Variants in ZNF609 observed in about 807,000 individuals in gnomAD.
The protein encoded by ZNF609 is zinc finger protein 609.
Under a neutral mutation model 109.5 loss-of-function variants are expected in ZNF609, and 11 were observed. That is an observed-to-expected ratio of 0.10 (90% CI 0.06 to 0.17). The LOEUF is 0.17. Among genes scored for constraint, ZNF609 ranks in the 10% least tolerant of loss-of-function variants. The pLI, the probability that ZNF609 is intolerant of heterozygous loss-of-function variation, is 1.00. For synonymous variants in ZNF609, 646 were observed against 662.0 expected (o/e 0.98, Z 0.37); for missense variants, 1,559 against 1,772.4 (o/e 0.88, Z 2.16).
intron 2 of ZNF609, among the ~76,000 whole-genome samples, chr15:64,525,733 C>A (rs1893959450): frequency 6.6e-6 from 1 of 151,886 alleles, no homozygotes; most frequent in Non-Finnish European, 1.5e-5. Context: ...TTTATAACTT[C>A]TTTAATTTCC....
At chr15:64,611,865 TGAG>T (rs1032315853) in intron 2 of ZNF609, among the ~76,000 whole-genome samples, 3 of 151,470 alleles carry the variant, frequency 2.0e-5, no homozygotes, top group Admixed American at 6.6e-5. Flanking sequence ...CCCGAGTAGC[TGAG>T]ATTACAGGCT....
chr15:64,549,062 G>A (rs1422998917), intron 2 of ZNF609, among the ~76,000 whole-genome samples: 1 of 152,138 alleles, frequency 6.6e-6, no homozygotes, highest in Non-Finnish European at 1.5e-5. Context: ...ATTCAGTTTT[G>A]CCTGTAGGTC....
chr15:64,628,316 A>G (rs1304458739), intron 3 of ZNF609, among the ~76,000 whole-genome samples: 1 of 151,626 alleles, frequency 6.6e-6, no homozygotes, highest in East Asian at 2.0e-4. Flanking sequence ...AAGAAAAGAA[A>G]CATGTAATCA....
At chr15:64,638,242 C>G (rs1471319589) in intron 3 of ZNF609, among the ~76,000 whole-genome samples, 1 of 151,486 alleles carries the variant, frequency 6.6e-6, no homozygotes, top group Admixed American at 6.6e-5. Flanking sequence ...TATGGGTTCT[C>G]TTCTGTTCCA....
intron 2 of ZNF609, among the ~76,000 whole-genome samples, chr15:64,604,106 A>G (rs943228657): frequency 6.6e-6 from 1 of 151,012 alleles, no homozygotes; most frequent in Non-Finnish European, 1.5e-5. Flanking sequence ...TGCATTCTTT[A>G]TGACATTACT....
intron 2 of ZNF609, among the ~76,000 whole-genome samples, chr15:64,505,381 A>G (rs535134595): frequency 4.0e-4 from 61 of 152,350 alleles, no homozygotes; most frequent in Non-Finnish European, 4.3e-4. Context: ...ACTAATAGGC[A>G]GACCTTCAAA....
chr15:64,465,910 G>GT (rs1379906277), intron 1 of ZNF609, among the ~76,000 whole-genome samples: 2 of 151,750 alleles, frequency 1.3e-5, no homozygotes, highest in African/African-American at 4.8e-5. Context: ...GAGGTCAGGA[G>GT]TTTGAGACCA....
chr15:64,537,787 T>C (rs1012088514), intron 2 of ZNF609, among the ~76,000 whole-genome samples: 7 of 152,122 alleles, frequency 4.6e-5, no homozygotes, highest in Admixed American at 3.9e-4. Flanking sequence ...AGGGGCACTA[T>C]CTTCTTCATT....
At chr15:64,466,705 C>T (rs184032486) in intron 1 of ZNF609, among the ~76,000 whole-genome samples, 28 of 152,316 alleles carry the variant, frequency 1.8e-4, no homozygotes, top group African/African-American at 5.5e-4. Context: ...TTTCCTCATA[C>T]GAAGCTATGG....
rs1442692506 is a variant in ZNF609, at chr15:64,475,751, C to T, written c.-128+14913C>T. On this transcript the variant is annotated intron_variant, in intron 1 of 9. Coordinates refer to ENST00000326648, the MANE Select transcript of ZNF609 (RefSeq NM_015042.2). ...TATTTTCTTCATCCCTCATTTTAAGCTCGTGAGATACCTGTGTCTCCTCTG... is the reference window on the plus strand; with the variant it reads ...TATTTTCTTCATCCCTCATTTTAAGTTCGTGAGATACCTGTGTCTCCTCTG... 2.0e-5 allele frequency among the ~76,000 whole-genome samples: 3 copies of T among 152,258 alleles called. No individual in the cohort carries two copies. The East Asian group carries it at 5.8e-4, about 29-fold the overall frequency.
chr15:64,667,241 T>G (rs923636834), intron 3 of ZNF609, among the ~76,000 whole-genome samples: 10 of 152,224 alleles, frequency 6.6e-5, no homozygotes, highest in African/African-American at 2.2e-4. Context: ...TAACTCCATG[T>G]CCAGTGATTT....
At chr15:64,670,236 G>C (rs1595758838) in intron 3 of ZNF609, 110 bp from the exon 4 acceptor site, 2 of 841,326 alleles carry the variant, frequency 2.4e-6, no homozygotes, top group Admixed American at 1.9e-5. Context: ...TTGGTACCCA[G>C]AGTACCTCCT....
At chr15:64,628,233 C>T (rs1896004151) in intron 3 of ZNF609, among the ~76,000 whole-genome samples, 1 of 151,752 alleles carries the variant, frequency 6.6e-6, no homozygotes, top group Non-Finnish European at 1.5e-5. Flanking sequence ...CCCAGGAGTT[C>T]GAGGCAACAG....
intron 3 of ZNF609, among the ~76,000 whole-genome samples, chr15:64,660,146 T>C (rs1193503491): frequency 6.6e-6 from 1 of 152,226 alleles, no homozygotes; most frequent in Non-Finnish European, 1.5e-5. Context: ...CAAAACATTT[T>C]CTATAGAAAT....
chr15:64,545,238 C>A (rs983315683), intron 2 of ZNF609, among the ~76,000 whole-genome samples: 1 of 151,600 alleles, frequency 6.6e-6, no homozygotes, highest in African/African-American at 2.4e-5. Context: ...AGCTCTGTAA[C>A]CCAAGCTTGG....
intron 2 of ZNF609, among the ~76,000 whole-genome samples, chr15:64,559,154 A>G (rs1330215742): frequency 6.6e-6 from 1 of 152,200 alleles, no homozygotes; most frequent in Non-Finnish European, 1.5e-5. Flanking sequence ...GTGTGGCCTC[A>G]TAAATGTAAA....
At chr15:64,670,494 A>T (rs960086089) in intron 4 of ZNF609, 61 bp downstream of exon 4, 2 of 1,395,198 alleles carry the variant, frequency 1.4e-6, no homozygotes, top group Admixed American at 3.4e-5. Flanking sequence ...GTGATCCCTT[A>T]TACTTTTATC....
At chr15:64,481,578 C>G (rs1439468146) in intron 1 of ZNF609, among the ~76,000 whole-genome samples, 1 of 151,544 alleles carries the variant, frequency 6.6e-6, no homozygotes, top group African/African-American at 2.4e-5. Context: ...CCTCGGCCTC[C>G]CAAAGTGCTG....
intron 2 of ZNF609, among the ~76,000 whole-genome samples, chr15:64,578,647 G>A (rs182148507): frequency 4.7e-4 from 72 of 152,266 alleles, no homozygotes; most frequent in Non-Finnish European, 8.5e-4. Flanking sequence ...AGCTGAGATC[G>A]TGCCATTGCA....
Sources: allele counts gnomAD v4.1 joint callset (sites outside exome capture counted in the v4.1 genomes callset), GRCh38; gene constraint gnomAD v4.1.1; transcripts MANE v1.5; gene names NCBI Gene and HGNC (gene_info 2026-07-23, HGNC 2026-07-21).